Variants in GRID2 observed in about 807,000 individuals in gnomAD.
The protein encoded by GRID2 is glutamate ionotropic receptor delta type subunit 2.
A neutral mutation model predicts 114.8 loss-of-function variants in GRID2; 33 were observed. The ratio of observed to expected loss-of-function variants is 0.29; its 90% CI spans 0.22 to 0.38. The LOEUF (loss-of-function observed/expected upper bound fraction) is 0.38, where lower values mean the gene tolerates loss of function less well. Among genes scored for constraint, GRID2 ranks in the 10% least tolerant of loss-of-function variants. The pLI, the probability that GRID2 is intolerant of heterozygous loss-of-function variation, is 1.00. For missense variants in GRID2, 1,184 were observed against 1,257.7 expected (o/e 0.94, Z 0.89); for synonymous variants, 505 against 449.9 (o/e 1.12, Z -1.55).
chr4:92,675,088 A>G (rs1308903350), intron 2 of GRID2, among the ~76,000 whole-genome samples: 1 of 152,152 alleles, frequency 6.6e-6, no homozygotes, highest in African/African-American at 2.4e-5. Context: ...TGTTCTGACA[A>G]GTAGTTAACT....
intron 14 of GRID2, among the ~76,000 whole-genome samples, chr4:93,731,698 G>C (rs1029585922): frequency 2.0e-5 from 3 of 152,166 alleles, no homozygotes; most frequent in Non-Finnish European, 2.9e-5. Flanking sequence ...AGAGCTTGTG[G>C]TATGCAGACT....
intron 4 of GRID2, among the ~76,000 whole-genome samples, chr4:93,199,072 A>G (rs972305471): frequency 6.6e-6 from 1 of 152,154 alleles, no homozygotes; most frequent in African/African-American, 2.4e-5. Context: ...TGATGGTGCC[A>G]AAAGTTACCA....
chr4:92,633,539 T>C (rs1053429959), intron 2 of GRID2, among the ~76,000 whole-genome samples: 4 of 152,166 alleles, frequency 2.6e-5, no homozygotes, highest in African/African-American at 9.6e-5. Flanking sequence ...TATATATTCG[T>C]ACCTTCTCTC....
At chr4:93,631,875 C>T (rs1578442186) in intron 14 of GRID2, among the ~76,000 whole-genome samples, 1 of 152,196 alleles carries the variant, frequency 6.6e-6, no homozygotes, top group East Asian at 1.9e-4. Context: ...TCTCCAGTAC[C>T]TGTTGTTTCC....
chr4:93,533,256 TCCTTCCTTCCTTCCTTC>T (rs1288355812), intron 13 of GRID2, among the ~76,000 whole-genome samples: 5 of 20,274 alleles, frequency 2.5e-4, no homozygotes, highest in Non-Finnish European at 6.7e-4. Flanking sequence ...CTTCCTTCCT[TCCTTCCTTCCTTCCTTC>T]CTTCCTTCCT....
chr4:92,655,673 T>A (rs1387589056), intron 2 of GRID2, among the ~76,000 whole-genome samples: 1 of 151,770 alleles, frequency 6.6e-6, no homozygotes, highest in Non-Finnish European at 1.5e-5. Context: ...TTTTTTCATC[T>A]ACTTCATTAT....
intron 1 of GRID2, among the ~76,000 whole-genome samples, chr4:92,384,037 GA>G (rs1729747904): frequency 6.6e-6 from 1 of 151,694 alleles, no homozygotes; most frequent in African/African-American, 2.4e-5. Context: ...AAAAACAGGA[GA>G]ATAAGGATAT....
intron 2 of GRID2, among the ~76,000 whole-genome samples, chr4:92,925,180 G>A (rs1749707379): frequency 6.6e-6 from 1 of 152,062 alleles, no homozygotes; most frequent in African/African-American, 2.4e-5. Context: ...AAGTTACTTT[G>A]GATAAAATTC....
chr4:93,094,612 T>C lies in GRID2; in HGVS notation c.529+9333T>C, dbSNP rs181526218. 3.9e-5 allele frequency among the ~76,000 whole-genome samples: 6 copies of C among 152,142 alleles called. No individual in the cohort carries two copies. In the East Asian group the frequency reaches 1.2e-3, roughly 29 times the overall value. Reference sequence around the variant, plus strand: ...TAATGAAAGGCGACAATCTGAAGGCTGGATATTGAATTAGTATCTGGAGAG... The same window carrying C: ...TAATGAAAGGCGACAATCTGAAGGCCGGATATTGAATTAGTATCTGGAGAG... On this transcript the variant is annotated intron_variant, in intron 3 of 15. Coordinates refer to ENST00000282020, the MANE Select transcript of GRID2 (RefSeq NM_001510.4).
At chr4:93,575,209 T>G (rs529963419) in intron 13 of GRID2, among the ~76,000 whole-genome samples, 1 of 152,174 alleles carries the variant, frequency 6.6e-6, no homozygotes, top group Non-Finnish European at 1.5e-5. Flanking sequence ...CCAGGAGGTG[T>G]AGTTCATTTG....
intron 1 of GRID2, among the ~76,000 whole-genome samples, chr4:92,445,199 T>C (rs867762616): frequency 1.3e-4 from 20 of 152,232 alleles, no homozygotes; most frequent in Middle Eastern, 3.2e-3. Flanking sequence ...TGCCCTTGTA[T>C]TGATGAGTAA....
intron 2 of GRID2, among the ~76,000 whole-genome samples, chr4:92,994,900 C>G (rs1412538733): frequency 6.6e-6 from 1 of 152,148 alleles, no homozygotes; most frequent in African/African-American, 2.4e-5. Flanking sequence ...AGGCATATTT[C>G]CCAACTCTGT....
At chr4:93,118,912 A>T (rs1343423039) in intron 4 of GRID2, among the ~76,000 whole-genome samples, 2 of 152,238 alleles carry the variant, frequency 1.3e-5, no homozygotes, top group Admixed American at 1.3e-4. Context: ...TAGCATGCAA[A>T]GTTATTGAAA....
chr4:92,855,783 A>C (rs1374997229), intron 2 of GRID2, among the ~76,000 whole-genome samples: 1 of 152,018 alleles, frequency 6.6e-6, no homozygotes, highest in Non-Finnish European at 1.5e-5. Flanking sequence ...TCTGGAGGTG[A>C]ATTTCCTGAC....
At chr4:92,959,171 C>T (rs2149149665) in intron 2 of GRID2, among the ~76,000 whole-genome samples, 1 of 146,784 alleles carries the variant, frequency 6.8e-6, no homozygotes, top group Admixed American at 6.9e-5. Flanking sequence ...TATTGGCTTC[C>T]TGTTTTCTAC....
intron 2 of GRID2, among the ~76,000 whole-genome samples, chr4:93,029,040 A>G (rs1364004692): frequency 1.3e-5 from 2 of 152,096 alleles, no homozygotes; most frequent in Non-Finnish European, 2.9e-5. Flanking sequence ...TTAGATTAAC[A>G]TTATGTTATT....
At chr4:93,255,290 T>C (rs566504439) in intron 8 of GRID2, among the ~76,000 whole-genome samples, 5 of 152,246 alleles carry the variant, frequency 3.3e-5, no homozygotes, top group Non-Finnish European at 5.9e-5. Flanking sequence ...TGCCTAAGTT[T>C]TGTGGGTTGA....
intron 2 of GRID2, among the ~76,000 whole-genome samples, chr4:92,803,502 A>G (rs1234071425): frequency 6.6e-6 from 1 of 151,984 alleles, no homozygotes; most frequent in Non-Finnish European, 1.5e-5. Flanking sequence ...CTTCCTAATA[A>G]TAGGTAGCCC....
At chr4:93,006,395 G>A (rs1721528964) in intron 2 of GRID2, among the ~76,000 whole-genome samples, 1 of 151,820 alleles carries the variant, frequency 6.6e-6, no homozygotes, top group South Asian at 2.1e-4. Flanking sequence ...ACTGAGAATA[G>A]GTCTAAGGAA....
Sources: allele counts gnomAD v4.1 joint callset (sites outside exome capture counted in the v4.1 genomes callset), GRCh38; gene constraint gnomAD v4.1.1; transcripts MANE v1.5; gene names NCBI Gene and HGNC (gene_info 2026-07-23, HGNC 2026-07-21).